SORL1: variants seen among roughly 807,000 people sequenced by gnomAD.
SORL1 encodes the protein sortilin related receptor 1.
Under a neutral mutation model 273.7 loss-of-function variants are expected in SORL1, and 127 were observed. That is an observed-to-expected ratio of 0.46 (90% CI 0.40 to 0.54). The LOEUF is 0.54. Ranked by LOEUF, SORL1 falls within the 20% of genes least tolerant of loss-of-function variation. The pLI is 0.00. For missense variants in SORL1, 2,494 were observed against 2,846.1 expected (o/e 0.88, Z 2.81); for synonymous variants, 1,031 against 1,067.4 (o/e 0.97, Z 0.66).
At chr11:121,589,716 A>G (rs1208649392) in intron 29 of SORL1, among the ~76,000 whole-genome samples, 9 of 152,228 alleles carry the variant, frequency 5.9e-5, no homozygotes, top group African/African-American at 2.2e-4. Context: ...CCACAATGTA[A>G]TAGTTATTGT....
chr11:121,572,682 G>A (rs1862861296), intron 23 of SORL1, among the ~76,000 whole-genome samples: 1 of 152,150 alleles, frequency 6.6e-6, no homozygotes, highest in South Asian at 2.1e-4. Context: ...GAGGCACCCT[G>A]CCAGCTGCCA....
At chr11:121,481,789 C>G (rs1861392089) in intron 3 of SORL1, among the ~76,000 whole-genome samples, 1 of 146,032 alleles carries the variant, frequency 6.8e-6, no homozygotes, top group Admixed American at 6.8e-5. Context: ...TCCTCCTCCC[C>G]AGCTCCTCCC....
chr11:121,520,909 G>A (rs771126782), intron 9 of SORL1, 60 bp downstream of exon 9: 3 of 1,238,746 alleles, frequency 2.4e-6, no homozygotes, highest in Non-Finnish European at 3.3e-6. Flanking sequence ...CTGCTCTGTG[G>A]TAGTTTCCTA....
intron 31 of SORL1, among the ~76,000 whole-genome samples, chr11:121,593,878 T>G (rs1863252861): frequency 6.6e-6 from 1 of 152,214 alleles, no homozygotes; most frequent in South Asian, 2.1e-4. Context: ...TCTTTTTAGT[T>G]TAATCCCATG....
At chr11:121,513,144 G>A (rs1861902985) in intron 7 of SORL1, 40 bp downstream of exon 7, 1 of 1,428,300 alleles carries the variant, frequency 7.0e-7, no homozygotes, top group South Asian at 1.1e-5. Context: ...AAGTATCATT[G>A]TCTTTATGCA....
intron 3 of SORL1, among the ~76,000 whole-genome samples, chr11:121,478,913 T>G (rs532106598): frequency 6.6e-5 from 10 of 151,708 alleles, no homozygotes; most frequent in African/African-American, 2.4e-4. Flanking sequence ...TGCAGATACC[T>G]GTGTGCATGC....
chr11:121,556,042 A>T (rs746854573), intron 18 of SORL1, among the ~76,000 whole-genome samples: 2 of 152,208 alleles, frequency 1.3e-5, no homozygotes, highest in South Asian at 2.1e-4. Context: ...ATAGACCCAG[A>T]TGTAGGCTTG....
chr11:121,545,763 C>G (rs2134889845), intron 14 of SORL1, among the ~76,000 whole-genome samples: 1 of 152,076 alleles, frequency 6.6e-6, no homozygotes, highest in Middle Eastern at 3.4e-3. Context: ...TCCTTAGGAC[C>G]CTATTCTAGA....
intron 12 of SORL1, among the ~76,000 whole-genome samples, chr11:121,536,427 G>T (rs200806840): frequency 0.034 from 4,338 of 128,604 alleles, 163 homozygotes; most frequent in East Asian, 0.21. Context: ...TTATCACTGT[G>T]TTTTTTTTTT....
Position 121,631,570 on chromosome 11 carries a change from G to A in SORL1, c.*2007G>A, listed in dbSNP as rs181790958. ...TTCTTTTTCTGCCAACTTTTTGGTG[G>A]CATTTGTAAAAGCTGATATAAAAGG... On this transcript the variant is annotated 3_prime_UTR_variant, in exon 48 of 48. Transcript: ENST00000260197. 6.6e-6 allele frequency: 1 copy of A among 152,210 alleles called. No homozygotes were observed. The highest frequency in any genetic ancestry group is 6.5e-5 in the Admixed American group (1 of 15,288). 9.4% of individuals were successfully genotyped at this position (152,210 alleles called of 1,614,324 possible). A position where few individuals can be genotyped will look rare whatever the true frequency, so the allele number is the denominator to read the frequency against.
At position 121,554,108 on chromosome 11, in the gene SORL1, A is replaced by G. The variant is rs1213615918; in HGVS notation, c.2438A>G (p.Gln813Arg). The G allele has an allele frequency of 6.2e-7, 1 of 1,613,560 alleles. No homozygotes were observed. The highest frequency in any genetic ancestry group is 1.1e-5 in the South Asian group (1 of 91,010). ...YWSDLALDVI[Q>R]RLCLNGSTGQ... is the part of the protein sequence containing the mutation. ...TCCGACCTGGCCTTGGACGTCATCCAGGTGAGTCAGCGCTTGGTCTGACTG... is the reference window on the plus strand; with the variant it reads ...TCCGACCTGGCCTTGGACGTCATCCGGGTGAGTCAGCGCTTGGTCTGACTG... Residue 813 changes from glutamine (Q) to arginine (R), a missense_variant and splice_region_variant, in exon 17 of 48, where the codon CAG (glutamine) becomes CGG (arginine). By Grantham distance (43) the Gln-to-Arg change is conservative (BLOSUM62 1). Around this residue, in one of 3 missense-constraint regions of SORL1, gnomAD observed 1,609 missense variants for 1,816.4 expected, o/e 0.89. Transcript: ENST00000260197. This position sits in a 1 kb window ranked among gnomAD's most constrained non-coding sequence, Gnocchi z 4.6.
Position 121,570,160 on chromosome 11 carries a change from A to G in SORL1, c.3227A>G (p.Asn1076Ser), listed in dbSNP as rs547521499. ...CCTGCCGCACTCTGATGGGTAGAGA[A>G]CACCTGTCTTCGCAACCAGTATCGC... ...LKNNTCVKQE[N>S]TCLRNQYRCS... Residue 1076 changes from asparagine (N) to serine (S), a missense_variant, in exon 23 of 48, where the codon AAC (asparagine) becomes AGC (serine). Physicochemically the swap from Asn to Ser is conservative, Grantham distance 46. Coordinates refer to ENST00000260197, the MANE Select transcript of SORL1 (RefSeq NM_003105.6). 4.3e-6 allele frequency: 7 copies of G among 1,612,124 alleles called. No individual in the cohort carries two copies. The African/African-American group carries it at 6.7e-5, about 15-fold the overall frequency.
At chr11:121,548,025 A>T (rs550329813) in intron 14 of SORL1, among the ~76,000 whole-genome samples, 2 of 152,300 alleles carry the variant, frequency 1.3e-5, no homozygotes, top group East Asian at 3.9e-4. Flanking sequence ...ATATTTCTCG[A>T]CATTGCCAAG....
chr11:121,477,646 T>A (rs1861295117), intron 2 of SORL1, among the ~76,000 whole-genome samples: 1 of 152,188 alleles, frequency 6.6e-6, no homozygotes, highest in Non-Finnish European at 1.5e-5. Context: ...GTGCCCTGCC[T>A]CACCTTTGTG....
chr11:121,458,116 G>T (rs1201720842), intron 1 of SORL1, among the ~76,000 whole-genome samples: 5 of 152,206 alleles, frequency 3.3e-5, no homozygotes, highest in African/African-American at 4.8e-5. Context: ...TGGAGAGCAG[G>T]TAATCCAAAA....
intron 32 of SORL1, among the ~76,000 whole-genome samples, chr11:121,603,507 T>G (rs1309456431): frequency 6.6e-6 from 1 of 152,214 alleles, no homozygotes; most frequent in Non-Finnish European, 1.5e-5. Context: ...TTAATCTACT[T>G]TCAGAACTGG....
At chr11:121,468,700 C>T (rs1412756302) in intron 1 of SORL1, among the ~76,000 whole-genome samples, 2 of 152,144 alleles carry the variant, frequency 1.3e-5, no homozygotes, top group Non-Finnish European at 2.9e-5. Flanking sequence ...GGATTACAGT[C>T]GTGGGCCACC....
chr11:121,604,582 C>T (rs1350901135), intron 33 of SORL1, among the ~76,000 whole-genome samples: 2 of 151,932 alleles, frequency 1.3e-5, no homozygotes, highest in East Asian at 1.9e-4. Context: ...CTTCCCACCT[C>T]ATGCCCATAC....
At chr11:121,551,896 C>T (rs2134899012) in intron 16 of SORL1, among the ~76,000 whole-genome samples, 1 of 152,348 alleles carries the variant, frequency 6.6e-6, no homozygotes, top group Middle Eastern at 3.4e-3. Flanking sequence ...ATATTTCCCT[C>T]ACAAGAGCTG....
Sources: gnomAD v4.1 joint callset for allele counts (sites outside exome capture counted in the v4.1 genomes callset) on GRCh38, gnomAD v4.1.1 for gene constraint, gnomAD v4.1.1 regional missense constraint, Gnocchi (gnomAD v3.1) non-coding constraint, MANE v1.5 for transcripts, NCBI Gene and HGNC (gene_info 2026-07-23, HGNC 2026-07-21) for gene names.